The following AP3B2 variants were observed in gnomAD, a reference collection of about 807,000 sequenced individuals.
The protein encoded by AP3B2 is adaptor related protein complex 3 subunit beta 2, also known as AP-3 complex subunit beta-2.
AP3B2 carries 50 observed loss-of-function variants against 126.9 expected under a neutral mutation model. The observed-to-expected ratio is 0.39, with a 90% confidence interval of 0.31 to 0.50. The LOEUF (loss-of-function observed/expected upper bound fraction) is 0.50, where lower values mean the gene tolerates loss of function less well. Ranked by LOEUF, AP3B2 falls within the 20% of genes least tolerant of loss-of-function variation. The probability of loss-of-function intolerance (pLI) is 0.79; values close to 1 mark genes in which losing one functional copy is unlikely to be tolerated. For synonymous variants in AP3B2, 541 were observed against 565.0 expected (o/e 0.96, Z 0.60); for missense variants, 1,177 against 1,426.4 (o/e 0.83, Z 2.82).
intron 14 of AP3B2, among the ~76,000 whole-genome samples, chr15:82,671,530 A>G (rs1255079073): frequency 6.7e-6 from 1 of 150,238 alleles, no homozygotes; most frequent in Non-Finnish European, 1.5e-5. Flanking sequence ...CGAGGTCAAG[A>G]GATCAAGACC....
chr15:82,663,342 C>T, intron 21 of AP3B2, 109 bp from the exon 22 acceptor site: 1 of 1,046,456 alleles, frequency 9.6e-7, no homozygotes, highest in Non-Finnish European at 1.4e-6. Flanking sequence ...CAGCGGGGCA[C>T]ATGGCTGCCT....
Position 82,709,800 on chromosome 15 carries a change from TG to T in AP3B2, c.-95del. 9.8e-7 allele frequency: 1 copy of T among 1,025,470 alleles called. No homozygotes were observed. The highest frequency in any genetic ancestry group is 1.7e-5 in the African/African-American group (1 of 58,792). 63.5% of individuals were successfully genotyped at this position (1,025,470 alleles called of 1,614,324 possible). A position where few individuals can be genotyped will look rare whatever the true frequency, so the allele number is the denominator to read the frequency against. ...GAAGGCGGGCCGGTCCGGTCCGGGCTGGCGAAGGCGGCGGCGCGGCAGGGGT... is the reference window on the plus strand; with the variant it reads ...GAAGGCGGGCCGGTCCGGTCCGGGCTGCGAAGGCGGCGGCGCGGCAGGGGT... On this transcript the variant is annotated 5_prime_UTR_variant, in exon 1 of 27. Transcript: ENST00000535359.
At chr15:82,694,054 AGTGCAGT>A (rs1287037830) in intron 1 of AP3B2, among the ~76,000 whole-genome samples, 2 of 151,430 alleles carry the variant, frequency 1.3e-5, no homozygotes, top group East Asian at 3.9e-4. Context: ...CCCAGGCTGG[AGTGCAGT>A]GGCGCAATCT....
In AP3B2 at chr15:82,663,220, A is replaced by C; in HGVS notation, c.2511T>G (p.Ser837Arg). 1.9e-6 allele frequency: 3 copies of C among 1,612,896 alleles called. No homozygotes were observed. Among genetic ancestry groups the C allele is most frequent in the South Asian group, 2.2e-5 (2 of 90,806 alleles). ...LLDLEDFTPPSVQPVSPPAIV... is the reference protein window; with the variant it reads ...LLDLEDFTPPRVQPVSPPAIV... The stretch of plus-strand genomic sequence containing the variant: ...TTGCTGGGGGAGACACAGGCTGGAC[A>C]CTGGGAGGGGTGACTGTGGGAGTAG... Residue 837 changes from serine (S) to arginine (R), a missense_variant, in exon 22 of 27, where the codon AGT becomes AGG. Around this residue, in one of 5 missense-constraint regions of AP3B2, gnomAD observed 587 missense variants for 571.3 expected, o/e 1.03. Coordinates refer to ENST00000535359, the MANE Select transcript of AP3B2 (RefSeq NM_001278512.2).
At position 82,667,662 on chromosome 15, in the gene AP3B2, G is replaced by T. The variant is rs1270088587; in HGVS notation, c.1666-729C>A. 2.6e-5 allele frequency among the ~76,000 whole-genome samples: 4 copies of T among 152,338 alleles called. No homozygotes were observed. In the East Asian group the frequency reaches 5.8e-4, roughly 22 times the overall value. ...AGCGGTAGCAGCCATCACTTATCAA[G>T]TGCCTTCTGGCACCAACTCTGTGCT... On this transcript the variant is annotated intron_variant, in intron 14 of 26. Transcript: ENST00000535359.
At chr15:82,662,982 A>G in intron 22 of AP3B2, 60 bp from the exon 23 acceptor site, 1 of 1,559,544 alleles carries the variant, frequency 6.4e-7, no homozygotes, top group Non-Finnish European at 8.7e-7. Context: ...CTGTCCCAGC[A>G]TTGTCCCCTA....
intron 1 of AP3B2, chr15:82,692,106 C>T: frequency 2.0e-6 from 3 of 1,496,278 alleles, no homozygotes; most frequent in Non-Finnish European, 2.8e-6. Context: ...GCCACCCACC[C>T]CGACTTCGTA....
chr15:82,700,601 G>A (rs2048706150), intron 1 of AP3B2, among the ~76,000 whole-genome samples: 1 of 151,402 alleles, frequency 6.6e-6, no homozygotes, highest in Non-Finnish European at 1.5e-5. Flanking sequence ...GTTTCTCCAT[G>A]TTGGTCAGGC....
intron 25 of AP3B2, among the ~76,000 whole-genome samples, chr15:82,661,507 T>C (rs1270301557): frequency 6.6e-6 from 1 of 152,210 alleles, no homozygotes; most frequent in Non-Finnish European, 1.5e-5. Context: ...TAATATTTCA[T>C]GACACATGAA....
Position 82,664,046 on chromosome 15 carries a change from A to G in AP3B2, c.2262-71T>C, listed in dbSNP as rs1194745211. On this transcript the variant is annotated intron_variant, in intron 19 of 26. Coordinates refer to ENST00000535359, the MANE Select transcript of AP3B2 (RefSeq NM_001278512.2). This position sits in a 1 kb window ranked among gnomAD's most constrained non-coding sequence, Gnocchi z 4.5. Reference sequence around the variant, plus strand: ...CTCCTTGCTTCACAGAAGCAGGAGAAATGCTGAAAAGCTGGAGTGGTGTGG... The same window carrying G: ...CTCCTTGCTTCACAGAAGCAGGAGAGATGCTGAAAAGCTGGAGTGGTGTGG... 2.0e-6 allele frequency: 3 copies of G among 1,524,864 alleles called. No individual in the cohort carries two copies. Among genetic ancestry groups the G allele is most frequent in the Non-Finnish European group, 2.6e-6 (3 of 1,139,402 alleles). 94.5% of individuals were successfully genotyped at this position (1,524,864 alleles called of 1,614,324 possible). A position where few individuals can be genotyped will look rare whatever the true frequency, so the allele number is the denominator to read the frequency against.
rs746182210 is a variant in AP3B2 at position 82,681,377 on chromosome 15, G to A, written c.521+43C>T. 4 of 1,606,624 alleles carry A rather than the reference G, an allele frequency of 2.5e-6. No homozygotes were observed. Among genetic ancestry groups the A allele is most frequent in the African/African-American group, 2.7e-5 (2 of 74,840 alleles). The stretch of plus-strand genomic sequence containing the variant: ...AGGCCAGGGGTGGGTTGAGAACTTA[G>A]GAACCAGCCTCCTGGGGAGCGTGGG... On this transcript the variant is annotated intron_variant, in intron 5 of 26. Coordinates refer to ENST00000535359, the MANE Select transcript of AP3B2 (RefSeq NM_001278512.2). This position sits in a 1 kb window ranked among gnomAD's most constrained non-coding sequence, Gnocchi z 4.0.
Position 82,659,505 on chromosome 15 carries a change from C to G in AP3B2, c.*55G>C, listed in dbSNP as rs1054377266. On this transcript the variant is annotated 3_prime_UTR_variant, in exon 27 of 27. Transcript: ENST00000535359. ...GAGAAAGATGAGAGAGACTGACAGC[C>G]TAGGTGTCATGGGGAGGTATAGATG... The G allele has an allele frequency of 5.0e-6, 8 of 1,594,662 alleles. No individual in the cohort carries two copies. The Admixed American group carries it at 1.3e-4, about 27-fold the overall frequency.
chr15:82,663,780 A>C, intron 20 of AP3B2, 21 bp downstream of exon 20: 6 of 1,607,302 alleles, frequency 3.7e-6, no homozygotes, highest in Non-Finnish European at 5.1e-6. Flanking sequence ...GCACACCCTG[A>C]CTCTGCCCCA....
intron 14 of AP3B2, among the ~76,000 whole-genome samples, chr15:82,672,609 G>A (rs1382220479): frequency 6.6e-6 from 1 of 152,162 alleles, no homozygotes; most frequent in African/African-American, 2.4e-5. Flanking sequence ...CTAAGAGAGT[G>A]TAATTTGATT....
intron 14 of AP3B2, among the ~76,000 whole-genome samples, chr15:82,667,693 C>T (rs2048083396): frequency 6.6e-6 from 1 of 152,242 alleles, no homozygotes; most frequent in Non-Finnish European, 1.5e-5. Flanking sequence ...GTGCTAGGTG[C>T]TCCACACTAG....
At chr15:82,689,764 C>G in intron 1 of AP3B2, 1 of 325,738 alleles carries the variant, frequency 3.1e-6, no homozygotes, top group Non-Finnish European at 5.8e-6. Flanking sequence ...CAATCCTACT[C>G]TAATAGAGTG....
At chr15:82,696,821 G>A (rs1266245905) in intron 1 of AP3B2, among the ~76,000 whole-genome samples, 3 of 152,196 alleles carry the variant, frequency 2.0e-5, no homozygotes, top group Non-Finnish European at 2.9e-5. Flanking sequence ...GAAGTGATCA[G>A]AGAATTGTTA....
At chr15:82,663,357 G>A (rs2047990535) in intron 21 of AP3B2, 124 bp from the exon 22 acceptor site, 2 of 998,560 alleles carry the variant, frequency 2.0e-6, no homozygotes, top group Non-Finnish European at 3.1e-6. Context: ...CTGCCTGGAG[G>A]CTCTCGCAAA....
chr15:82,666,899 GC>G lies in AP3B2; in HGVS notation c.1699del (p.Ala567ProfsTer228). 6.2e-7 allele frequency: 1 copy of G among 1,613,844 alleles called. No homozygotes were observed. Among genetic ancestry groups the G allele is most frequent in the Non-Finnish European group, 8.5e-7 (1 of 1,179,796 alleles). On this transcript the variant is annotated frameshift_variant, in exon 15 of 27. Coordinates refer to ENST00000535359, the MANE Select transcript of AP3B2 (RefSeq NM_001278512.2). LOFTEE classifies it high-confidence loss of function. ...AATATCATAGTTCTGGTCATATTTG[GC>G]CAGACTCAGCACATACTGGGTCAGC... Reference protein sequence around the residue: ...KLLTQYVLSLAKYDQNYDIRD... With the variant: ...KLLTQYVLSLXKYDQNYDIRD...
Sources: allele counts gnomAD v4.1 joint callset (sites outside exome capture counted in the v4.1 genomes callset), GRCh38; gene constraint gnomAD v4.1.1; regional missense constraint gnomAD v4.1.1; non-coding constraint Gnocchi (gnomAD v3.1); transcripts MANE v1.5; gene names NCBI Gene and HGNC (gene_info 2026-07-23, HGNC 2026-07-21).